The following OVCH1 variants were observed in gnomAD, a reference collection of about 807,000 sequenced individuals.
OVCH1 encodes ovochymase 1, also known as ovochymase-1.
OVCH1 carries 139 observed loss-of-function variants against 138.4 expected under a neutral mutation model. The ratio of observed to expected loss-of-function variants is 1.00; its 90% CI spans 0.87 to 1.16. The LOEUF (loss-of-function observed/expected upper bound fraction) is 1.16. Among genes scored for constraint, OVCH1 ranks in the 50% most tolerant of loss-of-function variants. The probability of loss-of-function intolerance (pLI) is 0.00; values close to 1 mark genes in which losing one functional copy is unlikely to be tolerated. For synonymous variants in OVCH1, 453 were observed against 467.8 expected (o/e 0.97, Z 0.41); for missense variants, 1,367 against 1,357.9 (o/e 1.01, Z -0.11).
At chr12:29,443,769 T>A (rs1428755825) in intron 24 of OVCH1, among the ~76,000 whole-genome samples, 1 of 152,036 alleles carries the variant, frequency 6.6e-6, no homozygotes, top group Non-Finnish European at 1.5e-5. Flanking sequence ...TGATTGAAAA[T>A]TTATAAGATC....
At chr12:29,443,393 T>C (rs747205162) in exon 25 of OVCH1, 2 of 1,611,884 alleles carry the variant, frequency 1.2e-6, no homozygotes, top group South Asian at 2.2e-5. Context: ...AAATCCTTCG[T>C]AAACACGCAG....
the OVCH1 span, among the ~76,000 whole-genome samples, chr12:29,404,536 C>G: frequency 6.6e-6 from 1 of 152,186 alleles, no homozygotes; most frequent in African/African-American, 2.4e-5. Context: ...TCTATACCTT[C>G]AAGGAGAGAC....
chr12:29,469,205 G>T (rs1365600608), intron 16 of OVCH1, among the ~76,000 whole-genome samples: 1 of 152,078 alleles, frequency 6.6e-6, no homozygotes, highest in African/African-American at 2.4e-5. Context: ...TCAGCCAGAT[G>T]GTCAAGGTTA....
At chr12:29,436,695 C>T (rs1292808982) in intron 26 of OVCH1, among the ~76,000 whole-genome samples, 2 of 145,978 alleles carry the variant, frequency 1.4e-5, no homozygotes, top group African/African-American at 5.6e-5. Context: ...GGAGTGAAGC[C>T]GCAGACCTTC....
At chr12:29,482,383 A>G (rs1165532838) in intron 8 of OVCH1, among the ~76,000 whole-genome samples, 1 of 152,004 alleles carries the variant, frequency 6.6e-6, no homozygotes, top group South Asian at 2.1e-4. Flanking sequence ...GGTCTTCCCT[A>G]ACCACCCTCT....
chr12:29,465,224 A>T lies in OVCH1; in HGVS notation c.1857-5T>A. On this transcript the variant is annotated splice_region_variant and splice_polypyrimidine_tract_variant and intron_variant, in intron 16 of 27. Coordinates refer to ENST00000318184, the Ensembl canonical transcript of OVCH1. ...CAGGAGAGTGGATTATTCTTCCTGG[A>T]GACAGAAGAACAGTGAAAGTTTGAC... 6.3e-7 allele frequency: 1 copy of T among 1,588,948 alleles called. No homozygotes were observed. The highest frequency in any genetic ancestry group is 8.6e-7 in the Non-Finnish European group (1 of 1,166,216).
At chr12:29,410,791 G>GGAGT (rs1476570079), downstream of OVCH1, among the ~76,000 whole-genome samples, 5 of 151,430 alleles carry the variant, frequency 3.3e-5, no homozygotes, top group African/African-American at 1.2e-4. Flanking sequence ...TATGTTTCTT[G>GGAGT]GAGTTGCTCT....
the OVCH1 span, among the ~76,000 whole-genome samples, chr12:29,403,388 G>A: frequency 1.3e-5 from 2 of 152,222 alleles, no homozygotes; most frequent in Non-Finnish European, 2.9e-5. Context: ...TAATCAATGT[G>A]TTTACCTAAA....
chr12:29,433,393 ACTC>A (rs1278965435), intron 27 of OVCH1, among the ~76,000 whole-genome samples: 2 of 151,768 alleles, frequency 1.3e-5, no homozygotes, highest in African/African-American at 4.8e-5. Flanking sequence ...ACGTGCCTTT[ACTC>A]CTCTTTCACC....
intron 22 of OVCH1, among the ~76,000 whole-genome samples, chr12:29,446,315 G>A (rs534083249): frequency 1.3e-4 from 20 of 152,124 alleles, no homozygotes; most frequent in Admixed American, 6.6e-4. Flanking sequence ...AAAAGCATTC[G>A]TTGGCATTTT....
At chr12:29,423,836 TC>T (rs1453957171), downstream of OVCH1, among the ~76,000 whole-genome samples, 1 of 152,174 alleles carries the variant, frequency 6.6e-6, no homozygotes, top group African/African-American at 2.4e-5. Context: ...GTCCTTATCC[TC>T]AAAGCAGCTC....
intron 19 of OVCH1, 101 bp downstream of exon 19, chr12:29,461,753 G>C (rs746445912): frequency 9.2e-6 from 13 of 1,415,064 alleles, no homozygotes; most frequent in Non-Finnish European, 1.3e-5. Flanking sequence ...ATTGAAGCAC[G>C]TGACAAGTTG....
In OVCH1 at chr12:29,452,903, C is replaced by T. The variant is rs553115935; in HGVS notation, c.2531-1334G>A. Among the ~76,000 whole-genome samples, 146 of 152,246 alleles carry T rather than the reference C, an allele frequency of 9.6e-4. No individual in the cohort carries two copies. In the South Asian group the frequency reaches 0.012, roughly 13 times the overall value. Reference sequence around the variant, plus strand: ...GAATAAAAACAAAGCAACACCTTTCCGTATATAAAACTTTCAAAGTTTTTG... The same window carrying T: ...GAATAAAAACAAAGCAACACCTTTCTGTATATAAAACTTTCAAAGTTTTTG... On this transcript the variant is annotated intron_variant, in intron 21 of 27. Coordinates refer to ENST00000318184, the Ensembl canonical transcript of OVCH1.
At chr12:29,471,762 C>T (rs1390392821) in intron 16 of OVCH1, 40 bp downstream of exon 16, 3 of 1,553,206 alleles carry the variant, frequency 1.9e-6, no homozygotes, top group Admixed American at 3.8e-5. Flanking sequence ...CTTACAAATG[C>T]ATGTGCTAAA....
exon 21 of OVCH1, chr12:29,454,903 C>A: frequency 6.2e-7 from 1 of 1,612,336 alleles, no homozygotes; most frequent in South Asian, 1.1e-5. Flanking sequence ...TAAGGTTTTG[C>A]ATTTATTATT....
In OVCH1 at chr12:29,472,083, A is replaced by T. The variant is rs1288064451; in HGVS notation, c.1676-101T>A. 7 of 1,194,856 alleles carry T rather than the reference A, an allele frequency of 5.9e-6. No individual in the cohort carries two copies. In the African/African-American group the frequency reaches 1.1e-4, roughly 19 times the overall value. 74.0% of individuals were successfully genotyped at this position (1,194,856 alleles called of 1,614,324 possible). On this transcript the variant is annotated intron_variant, in intron 15 of 27. Coordinates refer to ENST00000318184, the Ensembl canonical transcript of OVCH1. ...TTAACAGTAGTGATTCTCAAACATC[A>T]GATAGGCTTTATAATAATATTGACT...
intron 16 of OVCH1, among the ~76,000 whole-genome samples, chr12:29,467,230 T>C (rs2135992278): frequency 6.6e-6 from 1 of 152,284 alleles, no homozygotes; most frequent in East Asian, 1.9e-4. Context: ...TTAAATCTAC[T>C]CCACATCTTT....
At chr12:29,450,704 G>A (rs1464009133) in intron 22 of OVCH1, among the ~76,000 whole-genome samples, 1 of 152,086 alleles carries the variant, frequency 6.6e-6, no homozygotes, top group African/African-American at 2.4e-5. Flanking sequence ...CTGCTATAAA[G>A]ACACATGCAC....
intron 19 of OVCH1, 39 bp from the exon 20 acceptor site, chr12:29,455,444 A>T (rs375489618): frequency 1.6e-5 from 25 of 1,557,770 alleles, no homozygotes; most frequent in Non-Finnish European, 2.1e-5. Flanking sequence ...AAACTGCTTT[A>T]ATCTGAAGCT....
Sources: allele counts gnomAD v4.1 joint callset (sites outside exome capture counted in the v4.1 genomes callset), GRCh38; gene constraint gnomAD v4.1.1; transcripts MANE v1.5; gene names NCBI Gene and HGNC (gene_info 2026-07-23, HGNC 2026-07-21).